The following CLNK variants were observed in gnomAD, a reference collection of about 807,000 sequenced individuals.
CLNK encodes the protein cytokine dependent hematopoietic cell linker.
Under a neutral mutation model 68.6 loss-of-function variants are expected in CLNK, and 74 were observed. The ratio of observed to expected loss-of-function variants is 1.08; its 90% CI spans 0.89 to 1.31. CLNK has a LOEUF of 1.31. Among genes scored for constraint, CLNK ranks in the 50% most tolerant of loss-of-function variants. The pLI, the probability that CLNK is intolerant of heterozygous loss-of-function variation, is 0.00. For synonymous variants in CLNK, 198 were observed against 172.2 expected, an observed-to-expected ratio of 1.15 and a Z score of -1.17; for missense variants, 553 against 515.3, an observed-to-expected ratio of 1.07 and a Z score of -0.71.
intron 17 of CLNK, among the ~76,000 whole-genome samples, chr4:10,504,111 G>T (rs1369784197): frequency 7.8e-6 from 1 of 128,430 alleles, no homozygotes. Flanking sequence ...AAACATCTTT[G>T]GGTTCTTTTT....
chr4:10,570,480 T>TAACA (rs1178399635), intron 5 of CLNK, among the ~76,000 whole-genome samples: 3 of 152,232 alleles, frequency 2.0e-5, no homozygotes, highest in African/African-American at 7.2e-5. Flanking sequence ...ATCTATTTTC[T>TAACA]AACAATTTCA....
chr4:10,518,263 T>C (rs1340173811), intron 15 of CLNK, among the ~76,000 whole-genome samples: 1 of 152,172 alleles, frequency 6.6e-6, no homozygotes, highest in Non-Finnish European at 1.5e-5. Flanking sequence ...GATTAAGCTC[T>C]TAGCACAGTG....
intron 3 of CLNK, among the ~76,000 whole-genome samples, chr4:10,585,391 G>C (rs538888253): frequency 7.9e-5 from 12 of 152,322 alleles, no homozygotes; most frequent in African/African-American, 2.2e-4. Context: ...CAATCACCGA[G>C]TTTTGGCCAA....
chr4:10,637,870 G>A (rs1723157691), intron 2 of CLNK, among the ~76,000 whole-genome samples: 2 of 151,718 alleles, frequency 1.3e-5, no homozygotes, highest in South Asian at 2.1e-4. Context: ...CCAAAGTGCT[G>A]GGATTACAGG....
chr4:10,610,345 G>GT (rs745903587), intron 2 of CLNK, among the ~76,000 whole-genome samples: 6,540 of 142,012 alleles, frequency 0.046, 186 homozygotes, highest in Middle Eastern at 0.096. Context: ...CGCCCGGCCC[G>GT]TTTTTTTTTT....
Position 10,676,889 on chromosome 4 carries a change from G to C in CLNK, c.-43+7779C>G, listed in dbSNP as rs575989489. ...AAGTGATTTTTACTGTTCACGTAAA[G>C]TGAGATTGTAGAAAAATAGTCTCCA... On this transcript the variant is annotated intron_variant, in intron 1 of 18. Transcript: ENST00000226951. Among the ~76,000 whole-genome samples the C allele has an allele frequency of 1.5e-3, 235 of 151,710 alleles. 1 individual carries two copies. The highest frequency in any genetic ancestry group is 7.2e-4 in the Non-Finnish European group (49 of 67,972).
intron 2 of CLNK, among the ~76,000 whole-genome samples, chr4:10,656,133 C>T (rs189783372): frequency 6.6e-6 from 1 of 152,066 alleles, no homozygotes; most frequent in East Asian, 1.9e-4. Flanking sequence ...AAGCTATGAT[C>T]TCATGTTAAG....
At chr4:10,564,461 TTATCC>T (rs1720018104) in intron 7 of CLNK, among the ~76,000 whole-genome samples, 1 of 152,214 alleles carries the variant, frequency 6.6e-6, no homozygotes, top group South Asian at 2.1e-4. Flanking sequence ...CACATCTGAA[TTATCC>T]TTCTTTCTAG....
chr4:10,571,669 A>G, intron 5 of CLNK, 72 bp downstream of exon 5: 1 of 1,213,240 alleles, frequency 8.2e-7, no homozygotes, highest in Non-Finnish European at 1.2e-6. Context: ...TTTACCCAGT[A>G]TCTTGAATCA....
At position 10,487,008 on chromosome 4, in the gene CLNK, A is replaced by G. The variant is rs1313174260; in HGVS notation, c.*3459T>C. 1 of 152,254 alleles carries G rather than the reference A, an allele frequency of 6.6e-6. No individual in the cohort carries two copies. The highest frequency in any genetic ancestry group is 2.4e-5 in the African/African-American group (1 of 41,468). 9.4% of individuals were successfully genotyped at this position (152,254 alleles called of 1,614,324 possible). A position where few individuals can be genotyped will look rare whatever the true frequency, so the allele number is the denominator to read the frequency against. ...GTGCTAACACAATATATGACTAATGATGAGGGCTATGCACATTTATACAGA... is the reference window on the plus strand; with the variant it reads ...GTGCTAACACAATATATGACTAATGGTGAGGGCTATGCACATTTATACAGA... On this transcript the variant is annotated 3_prime_UTR_variant, in exon 19 of 19. Coordinates refer to ENST00000226951, the MANE Select transcript of CLNK (RefSeq NM_052964.4).
intron 2 of CLNK, among the ~76,000 whole-genome samples, chr4:10,639,402 T>A (rs991592479): frequency 6.6e-6 from 1 of 152,238 alleles, no homozygotes; most frequent in Admixed American, 6.5e-5. Flanking sequence ...AGGGCTTGCA[T>A]ATGTCCTGCT....
rs890157834 is a variant in CLNK, at chr4:10,511,069, C to G, written c.906+2395G>C. ...TTGGGAGGCTGAGGCAGGAGAATCACTTGAAGCCGGGAGGTGGGGCGGGGG... is the reference window on the plus strand; with the variant it reads ...TTGGGAGGCTGAGGCAGGAGAATCAGTTGAAGCCGGGAGGTGGGGCGGGGG... On this transcript the variant is annotated intron_variant, in intron 16 of 18. Coordinates refer to ENST00000226951, the MANE Select transcript of CLNK (RefSeq NM_052964.4). 2.6e-5 allele frequency among the ~76,000 whole-genome samples: 4 copies of G among 152,210 alleles called. No individual in the cohort carries two copies. In the East Asian group the frequency reaches 7.7e-4, roughly 29 times the overall value.
chr4:10,709,111 T>A, the CLNK span, among the ~76,000 whole-genome samples: 240 of 152,326 alleles, frequency 1.6e-3, no homozygotes, highest in African/African-American at 5.6e-3. Context: ...GATAGTGGTA[T>A]GGTATCAGAC....
intron 2 of CLNK, among the ~76,000 whole-genome samples, chr4:10,637,183 A>G (rs1013298543): frequency 2.0e-5 from 3 of 152,188 alleles, no homozygotes; most frequent in Non-Finnish European, 4.4e-5. Context: ...GTACTTTCCC[A>G]CATTTCCCAG....
intron 3 of CLNK, among the ~76,000 whole-genome samples, chr4:10,596,193 T>C (rs1252772391): frequency 1.3e-5 from 2 of 152,004 alleles, no homozygotes; most frequent in Non-Finnish European, 2.9e-5. Context: ...ATCTGGCTAC[T>C]TTTGTATTTT....
chr4:10,653,205 G>C (rs564333437), intron 2 of CLNK, among the ~76,000 whole-genome samples: 1 of 152,102 alleles, frequency 6.6e-6, no homozygotes, highest in Non-Finnish European at 1.5e-5. Flanking sequence ...TGGGGGGCTA[G>C]GGGAGGGATA....
intron 2 of CLNK, among the ~76,000 whole-genome samples, chr4:10,604,698 T>C (rs1362854144): frequency 6.6e-6 from 1 of 152,110 alleles, no homozygotes; most frequent in Non-Finnish European, 1.5e-5. Flanking sequence ...GACTGCCCCC[T>C]GAAAATTTGA....
At chr4:10,565,409 T>C (rs181846471) in intron 6 of CLNK, among the ~76,000 whole-genome samples, 1 of 152,324 alleles carries the variant, frequency 6.6e-6, no homozygotes, top group Non-Finnish European at 1.5e-5. Flanking sequence ...CCCCTTACAA[T>C]AGGGTGCTTT....
At chr4:10,580,068 T>C (rs1410167609) in intron 4 of CLNK, among the ~76,000 whole-genome samples, 4 of 152,074 alleles carry the variant, frequency 2.6e-5, no homozygotes, top group African/African-American at 4.8e-5. Context: ...CCTATTAAAC[T>C]CTCTACTGCT....
Sources: gnomAD v4.1 joint callset for allele counts (sites outside exome capture counted in the v4.1 genomes callset) on GRCh38, gnomAD v4.1.1 for gene constraint, MANE v1.5 for transcripts, NCBI Gene and HGNC (gene_info 2026-07-23, HGNC 2026-07-21) for gene names.